SAMTOR: variants seen among roughly 807,000 people sequenced by gnomAD.
The protein encoded by SAMTOR is UPF0532 protein C7orf60.
the SAMTOR span, among the ~76,000 whole-genome samples, chr7:112,868,967 C>T: frequency 6.6e-6 from 1 of 152,140 alleles, no homozygotes; most frequent in Non-Finnish European, 1.5e-5. Flanking sequence ...GGTTGCGGGA[C>T]AGTAGCCCAC....
At chr7:112,916,422 G>A in the SAMTOR span, among the ~76,000 whole-genome samples, 1 of 152,144 alleles carries the variant, frequency 6.6e-6, no homozygotes, top group Non-Finnish European at 1.5e-5. Context: ...CATTAATTGG[G>A]GACAGAATAA....
chr7:112,843,842 G>T, the SAMTOR span, among the ~76,000 whole-genome samples: 9 of 151,372 alleles, frequency 5.9e-5, no homozygotes, highest in Non-Finnish European at 1.0e-4. Flanking sequence ...AACAAAAAAA[G>T]AAATATCCTT....
the SAMTOR span, chr7:112,821,673 T>C: frequency 3.9e-5 from 54 of 1,401,216 alleles, no homozygotes; most frequent in Non-Finnish European, 5.2e-5. Context: ...ACTGAGTTCA[T>C]GTTAGTATTT....
chr7:112,929,125 A>G, the SAMTOR span, among the ~76,000 whole-genome samples: 4 of 151,942 alleles, frequency 2.6e-5, no homozygotes, highest in Admixed American at 6.6e-5. Flanking sequence ...AGCACAGAAA[A>G]TAAGTTAGCA....
At chr7:112,906,843 T>C in the SAMTOR span, among the ~76,000 whole-genome samples, 5 of 152,310 alleles carry the variant, frequency 3.3e-5, no homozygotes, top group African/African-American at 1.2e-4. Context: ...GTGCTGGGAT[T>C]ATAGGCATGA....
the SAMTOR span, among the ~76,000 whole-genome samples, chr7:112,863,384 C>T: frequency 6.6e-6 from 1 of 152,128 alleles, no homozygotes; most frequent in African/African-American, 2.4e-5. Context: ...GCAAATACTT[C>T]GTGATGAAGA....
the SAMTOR span, among the ~76,000 whole-genome samples, chr7:112,836,144 C>A: frequency 6.6e-6 from 1 of 152,144 alleles, no homozygotes; most frequent in African/African-American, 2.4e-5. Context: ...ACCTTGCCAG[C>A]AGCTGTTATT....
the SAMTOR span, chr7:112,939,736 G>T: frequency 6.2e-7 from 1 of 1,602,158 alleles, no homozygotes; most frequent in South Asian, 1.1e-5. Flanking sequence ...TTCGGCCGCC[G>T]GCCCCTGGCT....
chr7:112,879,743 A>G, the SAMTOR span, among the ~76,000 whole-genome samples: 1 of 152,184 alleles, frequency 6.6e-6, no homozygotes, highest in African/African-American at 2.4e-5. Flanking sequence ...TGGAGTGCTC[A>G]ACCTGTAGAA....
At chr7:112,860,896 G>A in the SAMTOR span, among the ~76,000 whole-genome samples, 2 of 122,688 alleles carry the variant, frequency 1.6e-5, no homozygotes, top group African/African-American at 6.5e-5. Context: ...TGGGGTGACA[G>A]AGCAAGACTC....
the SAMTOR span, chr7:112,915,482 C>G: frequency 3.3e-6 from 5 of 1,517,972 alleles, no homozygotes; most frequent in East Asian, 7.3e-5. Flanking sequence ...TAAGTTTACA[C>G]TGAAACATGT....
chr7:112,891,987 T>C, the SAMTOR span, among the ~76,000 whole-genome samples: 4 of 152,250 alleles, frequency 2.6e-5, no homozygotes, highest in African/African-American at 9.6e-5. Flanking sequence ...CAGCATGTGA[T>C]GCTGCTTGAC....
the SAMTOR span, among the ~76,000 whole-genome samples, chr7:112,905,128 C>T: frequency 2.6e-5 from 4 of 152,190 alleles, no homozygotes. Flanking sequence ...ATTATTCAAC[C>T]TAGCCAATCC....
At chr7:112,909,462 G>A in the SAMTOR span, among the ~76,000 whole-genome samples, 6 of 152,082 alleles carry the variant, frequency 3.9e-5, no homozygotes, top group East Asian at 5.8e-4. Context: ...AATAAAAAAC[G>A]CCCCAAACTG....
At chr7:112,920,077 G>A in the SAMTOR span, among the ~76,000 whole-genome samples, 1 of 152,144 alleles carries the variant, frequency 6.6e-6, no homozygotes, top group Non-Finnish European at 1.5e-5. Context: ...GAAAAAGAGG[G>A]AATCCTCCCT....
chr7:112,860,912 CAAAAAAAAAA>C, the SAMTOR span, among the ~76,000 whole-genome samples: 2 of 45,910 alleles, frequency 4.4e-5, no homozygotes, highest in Non-Finnish European at 8.9e-5. Context: ...GACTCTGTCT[CAAAAAAAAAA>C]AAAAAAAAAA....
At chr7:112,846,368 T>C in the SAMTOR span, among the ~76,000 whole-genome samples, 1 of 151,664 alleles carries the variant, frequency 6.6e-6, no homozygotes, top group Non-Finnish European at 1.5e-5. Flanking sequence ...TACTTGAGGG[T>C]AGAGGATGGG....
the SAMTOR span, among the ~76,000 whole-genome samples, chr7:112,912,692 TAAAG>T: frequency 4.7e-4 from 72 of 151,618 alleles, no homozygotes; most frequent in African/African-American, 1.3e-3. Context: ...AAAAAAAAAA[TAAAG>T]AAATTTAACC....
chr7:112,934,611 C>G, the SAMTOR span, among the ~76,000 whole-genome samples: 31 of 152,274 alleles, frequency 2.0e-4, no homozygotes, highest in Non-Finnish European at 1.9e-4. Flanking sequence ...ATAAAAGCCT[C>G]CTTTCTCCTA....
Sources: gnomAD v4.1 joint callset for allele counts (sites outside exome capture counted in the v4.1 genomes callset) on GRCh38, gnomAD v4.1.1 for gene constraint, MANE v1.5 for transcripts, NCBI Gene and HGNC (gene_info 2026-07-23, HGNC 2026-07-21) for gene names.